The following NSD2 variants were observed in gnomAD, a reference collection of about 807,000 sequenced individuals.
The protein encoded by NSD2 is nuclear receptor binding SET domain protein 2, also known as histone-lysine N-methyltransferase NSD2.
NSD2 carries 12 observed loss-of-function variants against 139.0 expected under a neutral mutation model. That is an observed-to-expected ratio of 0.09 (90% CI 0.06 to 0.14). NSD2 has a LOEUF of 0.14. Among genes scored for constraint, NSD2 ranks in the 10% least tolerant of loss-of-function variants. The pLI, the probability that NSD2 is intolerant of heterozygous loss-of-function variation, is 1.00. For missense variants in NSD2, 1,155 were observed against 1,745.0 expected, an observed-to-expected ratio of 0.66 and a Z score of 6.02; for synonymous variants, 669 against 648.7, an observed-to-expected ratio of 1.03 and a Z score of -0.48.
At chr4:1,959,781 G>T (rs202078054) in intron 17 of NSD2, 41 bp downstream of exon 17, 3 of 1,597,292 alleles carry the variant, frequency 1.9e-6, no homozygotes, top group African/African-American at 1.3e-5. Context: ...GAGAAATTAC[G>T]GTTCACTGGG....
chr4:1,901,476 C>G (rs1222157968), intron 2 of NSD2, among the ~76,000 whole-genome samples: 1 of 152,162 alleles, frequency 6.6e-6, no homozygotes, highest in Non-Finnish European at 1.5e-5. Context: ...GTTGAGAGGT[C>G]TAGAGAGGTG....
chr4:1,892,698 A>C (rs972944349), intron 1 of NSD2: 1 of 151,766 alleles, frequency 6.6e-6, no homozygotes, highest in Non-Finnish European at 1.5e-5. Context: ...CCTCCTGAGT[A>C]GCTGGGATTA....
Position 1,951,987 on chromosome 4 carries a change from A to G in NSD2, c.2014-121A>G, listed in dbSNP as rs1226802217. Reference sequence around the variant, plus strand: ...CGTTTGCCCATGCATGTTATTATATATCCTTGAGTAGCAAAATGGGATTTT... The same window carrying G: ...CGTTTGCCCATGCATGTTATTATATGTCCTTGAGTAGCAAAATGGGATTTT... On this transcript the variant is annotated intron_variant, in intron 10 of 21. Transcript: ENST00000508803. The G allele has an allele frequency of 3.4e-6, 5 of 1,466,262 alleles. No individual in the cohort carries two copies. In the East Asian group the frequency reaches 9.3e-5, roughly 27 times the overall value. 90.8% of individuals were successfully genotyped at this position (1,466,262 alleles called of 1,614,324 possible).
intron 21 of NSD2, among the ~76,000 whole-genome samples, chr4:1,978,395 C>T (rs548510815): frequency 6.7e-4 from 102 of 152,102 alleles, no homozygotes; most frequent in Admixed American, 1.3e-3. Flanking sequence ...TCTCAGTTGC[C>T]GAAACATAAA....
chr4:1,967,564 C>T (rs1577565836), intron 18 of NSD2, among the ~76,000 whole-genome samples: 4 of 150,202 alleles, frequency 2.7e-5, no homozygotes, highest in South Asian at 2.1e-4. Context: ...GGCAACAGAG[C>T]GAGACTTTGT....
At chr4:1,925,744 G>A (rs1197883960) in intron 5 of NSD2, among the ~76,000 whole-genome samples, 1 of 151,430 alleles carries the variant, frequency 6.6e-6, no homozygotes, top group African/African-American at 2.4e-5. Flanking sequence ...GTGAAGAAAT[G>A]TACTTCTTTT....
chr4:1,943,521 G>A, intron 9 of NSD2: 1 of 1,048,990 alleles, frequency 9.5e-7, no homozygotes, highest in Non-Finnish European at 1.2e-6. Flanking sequence ...ATGCGAGGAT[G>A]AAATAAACCT....
intron 7 of NSD2, 122 bp downstream of exon 7, chr4:1,935,384 G>A: frequency 1.4e-6 from 1 of 709,272 alleles, no homozygotes. Context: ...GCTCCTTCCA[G>A]GCTGGTATTC....
intron 5 of NSD2, among the ~76,000 whole-genome samples, chr4:1,920,886 T>A (rs1200497891): frequency 6.6e-6 from 1 of 151,826 alleles, no homozygotes; most frequent in African/African-American, 2.4e-5. Context: ...AAATTTTTTT[T>A]AATTAGCCAG....
chr4:1,932,332 G>A (rs1394050611), intron 6 of NSD2, among the ~76,000 whole-genome samples: 1 of 151,396 alleles, frequency 6.6e-6, no homozygotes, highest in Admixed American at 6.6e-5. Flanking sequence ...CCAGCTACTC[G>A]GGAGGCTGAG....
intron 9 of NSD2, among the ~76,000 whole-genome samples, chr4:1,949,374 G>A (rs890934854): frequency 5.9e-5 from 9 of 152,182 alleles, no homozygotes; most frequent in African/African-American, 2.2e-4. Context: ...TTTAGACTTT[G>A]TGCTGTCAGG....
intron 3 of NSD2, chr4:1,912,059 C>A: frequency 2.9e-6 from 1 of 340,464 alleles, no homozygotes; most frequent in Non-Finnish European, 5.8e-6. Flanking sequence ...TGGAAGAAGT[C>A]ACAAATCCCT....
At chr4:1,944,374 A>G in intron 9 of NSD2, 1 of 1,065,878 alleles carries the variant, frequency 9.4e-7, no homozygotes, top group Non-Finnish European at 1.1e-6. Flanking sequence ...GAATTCCTTC[A>G]TTTCATAAGA....
In NSD2 at chr4:1,942,227, T is replaced by C; in HGVS notation, c.1881+2449T>C. 1 of 1,520,848 alleles carries C rather than the reference T, an allele frequency of 6.6e-7. No homozygotes were observed. Among genetic ancestry groups the C allele is most frequent in the Non-Finnish European group, 8.8e-7 (1 of 1,138,716 alleles). The allele number at this position is 1,520,848 out of a possible 1,614,324, so 94.2% of individuals were successfully genotyped here. On this transcript the variant is annotated intron_variant, in intron 9 of 21. Coordinates refer to ENST00000508803, the MANE Select transcript of NSD2 (RefSeq NM_001042424.3). The surrounding 1 kb of genome is among the most constrained non-coding windows in gnomAD (Gnocchi z 4.0). ...AAGAGAATAAATTAAAATTACACAC[T>C]TGCATGACAAAGGCCTGTGAAGGAA...
At chr4:1,960,497 A>G (rs1725257138) in intron 17 of NSD2, among the ~76,000 whole-genome samples, 1 of 152,234 alleles carries the variant, frequency 6.6e-6, no homozygotes, top group Admixed American at 6.5e-5. Context: ...AGAGACATGT[A>G]GAACTGCTGA....
intron 3 of NSD2, among the ~76,000 whole-genome samples, chr4:1,907,885 C>A (rs911712932): frequency 1.3e-5 from 2 of 152,190 alleles, no homozygotes; most frequent in Non-Finnish European, 2.9e-5. Flanking sequence ...GGATTACAGG[C>A]ATGAGTCACT....
chr4:1,902,493 G>A (rs1717316102), intron 2 of NSD2, among the ~76,000 whole-genome samples: 1 of 152,044 alleles, frequency 6.6e-6, no homozygotes, highest in Non-Finnish European at 1.5e-5. Flanking sequence ...TGAAGTGCTC[G>A]AGTTACAGGT....
intron 1 of NSD2, among the ~76,000 whole-genome samples, chr4:1,884,586 G>A (rs1714942386): frequency 6.6e-6 from 1 of 151,800 alleles, no homozygotes; most frequent in South Asian, 2.1e-4. Context: ...TAGAGATGGG[G>A]TTTCACTATG....
chr4:1,909,321 G>T (rs1439395587), intron 3 of NSD2, among the ~76,000 whole-genome samples: 1 of 152,068 alleles, frequency 6.6e-6, no homozygotes, highest in African/African-American at 2.4e-5. Context: ...TTTGAGTACA[G>T]AATAGTATGT....
Sources: gnomAD v4.1 joint callset for allele counts (sites outside exome capture counted in the v4.1 genomes callset) on GRCh38, gnomAD v4.1.1 for gene constraint, Gnocchi (gnomAD v3.1) non-coding constraint, MANE v1.5 for transcripts, NCBI Gene and HGNC (gene_info 2026-07-23, HGNC 2026-07-21) for gene names.